USP15: variants seen among roughly 807,000 people sequenced by gnomAD.
The protein encoded by USP15 is ubiquitin specific peptidase 15, also known as ubiquitin carboxyl-terminal hydrolase 15.
A neutral mutation model predicts 127.1 loss-of-function variants in USP15; 18 were observed. The ratio of observed to expected loss-of-function variants is 0.14; its 90% confidence interval spans 0.10 to 0.21. USP15 has a LOEUF of 0.21. USP15 is among the 10% of genes least tolerant of loss of function. USP15 has a pLI of 1.00. For missense variants in USP15, 805 were observed against 1,159.9 expected (o/e 0.69, Z 4.44); for synonymous variants, 364 against 393.7 (o/e 0.92, Z 0.89).
intron 4 of USP15, among the ~76,000 whole-genome samples, chr12:62,315,653 G>A (rs975007863): frequency 2.0e-5 from 3 of 151,994 alleles, no homozygotes; most frequent in Admixed American, 6.6e-5. Context: ...CAGTGAAGAA[G>A]GACACATAAC....
At chr12:62,377,622 AG>A (rs2066870582) in intron 8 of USP15, among the ~76,000 whole-genome samples, 1 of 152,118 alleles carries the variant, frequency 6.6e-6, no homozygotes, top group African/African-American at 2.4e-5. Flanking sequence ...TGGGAGGCTG[AG>A]GCAGGAGAAT....
Position 62,263,541 on chromosome 12 carries a change from G to T in USP15, c.89+3038G>T, listed in dbSNP as rs576688178. Among the ~76,000 whole-genome samples the T allele has an allele frequency of 2.6e-5, 4 of 152,286 alleles. No homozygotes were observed. The East Asian group carries it at 7.7e-4, about 29-fold the overall frequency. On this transcript the variant is annotated intron_variant, in intron 1 of 21. Transcript: ENST00000280377. ...AGTGAATGATTTTTATCTAAAAACT[G>T]ATTTTCTAGAGATGAAAATAAGTTA... is the stretch of plus-strand genomic sequence containing the variant.
intron 1 of USP15, among the ~76,000 whole-genome samples, chr12:62,263,468 A>G (rs921964666): frequency 2.6e-5 from 4 of 152,130 alleles, no homozygotes; most frequent in African/African-American, 9.7e-5. Flanking sequence ...AAGTATAAAG[A>G]TTTATTTCAT....
intron 6 of USP15, among the ~76,000 whole-genome samples, chr12:62,339,466 T>C (rs932011747): frequency 6.6e-6 from 1 of 152,162 alleles, no homozygotes; most frequent in African/African-American, 2.4e-5. Flanking sequence ...TGTCTTGTGC[T>C]GGTTTTCAGA....
At chr12:62,327,704 T>A in intron 6 of USP15, 1 of 431,108 alleles carries the variant, frequency 2.3e-6, no homozygotes, top group Non-Finnish European at 4.6e-6. Flanking sequence ...AGTACTTGGC[T>A]TTGTGTGAAA....
chr12:62,376,219 A>G (rs2066823576), intron 8 of USP15, among the ~76,000 whole-genome samples: 1 of 152,096 alleles, frequency 6.6e-6, no homozygotes, highest in East Asian at 1.9e-4. Context: ...ATTTAAATAT[A>G]AAAATAACCT....
At chr12:62,303,041 C>G in intron 3 of USP15, 121 bp downstream of exon 3, 1 of 1,139,890 alleles carries the variant, frequency 8.8e-7, no homozygotes, top group Non-Finnish European at 1.2e-6. Context: ...AGCAAAATAA[C>G]CGTACACTGT....
At chr12:62,393,350 A>G in intron 19 of USP15, 148 bp downstream of exon 19, 2 of 800,510 alleles carry the variant, frequency 2.5e-6, no homozygotes, top group Non-Finnish European at 3.6e-6. Flanking sequence ...CTAACAGTTT[A>G]TAAGGATCAG....
At chr12:62,274,609 C>T (rs1228623918) in intron 1 of USP15, among the ~76,000 whole-genome samples, 1 of 151,980 alleles carries the variant, frequency 6.6e-6, no homozygotes, top group Non-Finnish European at 1.5e-5. Context: ...CACAACACTG[C>T]ATTCCAGCCT....
chr12:62,367,003 GA>G (rs2066498908), intron 8 of USP15, among the ~76,000 whole-genome samples: 1 of 152,068 alleles, frequency 6.6e-6, no homozygotes, highest in South Asian at 2.1e-4. Flanking sequence ...ATATTGGCCT[GA>G]AATTTTCTTT....
At chr12:62,262,220 G>A (rs1219115219) in intron 1 of USP15, among the ~76,000 whole-genome samples, 2 of 151,954 alleles carry the variant, frequency 1.3e-5, no homozygotes, top group Non-Finnish European at 2.9e-5. Context: ...CCTGGGCAAC[G>A]TGAGACTCCA....
rs752854333 is a variant in USP15 at position 62,349,255 on chromosome 12, A to G, written c.718A>G (p.Lys240Glu). The change falls in exon 7 of 22, where the codon AAG (lysine) becomes GAG (glutamate). Residue 240 changes from lysine to glutamate, a missense_variant. Physicochemically the swap from Lys to Glu is moderately conservative, Grantham distance 56. Around this residue, in one of 11 missense-constraint regions of USP15, gnomAD observed 84 missense variants for 107.7 expected, o/e 0.78. Transcript: ENST00000280377. ...TGCATCCAATTTTTCAACTTTACCA[A>G]AGATCTCTCCTTCATCTCTATCAAA... Reference protein sequence around the residue: ...PGASNFSTLPKISPSSLSNNY... With the variant: ...PGASNFSTLPEISPSSLSNNY... The G allele has an allele frequency of 1.3e-6, 2 of 1,507,596 alleles. No homozygotes were observed. The highest frequency in any genetic ancestry group is 2.6e-5 in the South Asian group (2 of 78,360). 93.4% of individuals were successfully genotyped at this position (1,507,596 alleles called of 1,614,324 possible).
intron 1 of USP15, among the ~76,000 whole-genome samples, chr12:62,288,293 C>T (rs991557110): frequency 2.0e-5 from 3 of 148,802 alleles, no homozygotes; most frequent in Admixed American, 1.3e-4. Context: ...TTGTAGTTTT[C>T]CTTATAGAGG....
At chr12:62,383,271 G>T (rs777094475) in intron 9 of USP15, among the ~76,000 whole-genome samples, 1 of 151,802 alleles carries the variant, frequency 6.6e-6, no homozygotes, top group Non-Finnish European at 1.5e-5. Flanking sequence ...CAACATTTTC[G>T]TCAACCAGAC....
intron 6 of USP15, chr12:62,328,274 C>CT (rs1266183481): frequency 2.2e-6 from 1 of 452,280 alleles, no homozygotes; most frequent in Non-Finnish European, 4.4e-6. Flanking sequence ...GATCAGCAAT[C>CT]TTTTTTAAAT....
At chr12:62,280,267 T>C (rs1565813117) in intron 1 of USP15, among the ~76,000 whole-genome samples, 1 of 152,186 alleles carries the variant, frequency 6.6e-6, no homozygotes, top group Non-Finnish European at 1.5e-5. Context: ...TTCCAGACTT[T>C]CTGGGGAAGT....
At chr12:62,299,169 G>T (rs1236434140) in intron 2 of USP15, among the ~76,000 whole-genome samples, 1 of 151,924 alleles carries the variant, frequency 6.6e-6, no homozygotes, top group Non-Finnish European at 1.5e-5. Context: ...TGTTGCCCAG[G>T]CTAGAATCTC....
At chr12:62,386,693 T>C (rs2067159023) in intron 11 of USP15, among the ~76,000 whole-genome samples, 1 of 152,066 alleles carries the variant, frequency 6.6e-6, no homozygotes, top group African/African-American at 2.4e-5. Flanking sequence ...ACGAAGAACT[T>C]TGATGCCAGT....
At chr12:62,340,794 T>C (rs2065623090) in intron 6 of USP15, among the ~76,000 whole-genome samples, 1 of 152,120 alleles carries the variant, frequency 6.6e-6, no homozygotes, top group Non-Finnish European at 1.5e-5. Flanking sequence ...TTTACTTCCA[T>C]TTATGTGATT....
Sources: allele counts gnomAD v4.1 joint callset (sites outside exome capture counted in the v4.1 genomes callset), GRCh38; gene constraint gnomAD v4.1.1; regional missense constraint gnomAD v4.1.1; transcripts MANE v1.5; gene names NCBI Gene and HGNC (gene_info 2026-07-23, HGNC 2026-07-21).